ZNF717: variants seen among roughly 807,000 people sequenced by gnomAD.
ZNF717 encodes zinc finger protein 717.
Under a neutral mutation model 13.8 loss-of-function variants are expected in ZNF717, and 9 were observed. The ratio of observed to expected loss-of-function variants is 0.65; its 90% CI spans 0.39 to 1.14. ZNF717 has a LOEUF of 1.14. Among genes scored for constraint, ZNF717 ranks in the 50% most tolerant of loss-of-function variants. The pLI is 0.01. For synonymous variants in ZNF717, 327 were observed against 364.1 expected (o/e 0.90, Z 1.16); for missense variants, 1,040 against 1,080.7 (o/e 0.96, Z 0.53).
At chr3:75,719,109 C>T (rs1938120269) in intron 4 of ZNF717, among the ~76,000 whole-genome samples, 1 of 151,760 alleles carries the variant, frequency 6.6e-6, no homozygotes, top group Non-Finnish European at 1.5e-5. Flanking sequence ...ACCTGGGAAA[C>T]ATGGCAAAAC....
chr3:75,767,937 T>C (rs1371406617), intron 2 of ZNF717, among the ~76,000 whole-genome samples: 1 of 148,560 alleles, frequency 6.7e-6, no homozygotes, highest in Non-Finnish European at 1.5e-5. Context: ...CTATTGACCA[T>C]AAGAAAAAGG....
chr3:75,732,547 A>G (rs1371379231), downstream of ZNF717, among the ~76,000 whole-genome samples: 5 of 152,238 alleles, frequency 3.3e-5, no homozygotes, highest in African/African-American at 1.2e-4. Flanking sequence ...CTTATGAAAC[A>G]GGCCAAATGA....
intron 2 of ZNF717, among the ~76,000 whole-genome samples, chr3:75,768,218 A>G (rs1344347353): frequency 6.6e-6 from 1 of 152,136 alleles, no homozygotes; most frequent in Non-Finnish European, 1.5e-5. Flanking sequence ...CTGTTTTCAC[A>G]CCAGTCCCCT....
At chr3:75,698,520 G>C (rs79578146) in intron 6 of ZNF717, among the ~76,000 whole-genome samples, 2 of 145,714 alleles carry the variant, frequency 1.4e-5, no homozygotes, top group Non-Finnish European at 3.1e-5. Context: ...TCCAGGTGTA[G>C]GTCAAATTGA....
chr3:75,726,770 T>C (rs1287385592), downstream of ZNF717, among the ~76,000 whole-genome samples: 7 of 152,388 alleles, frequency 4.6e-5, no homozygotes, highest in Admixed American at 3.3e-4. Context: ...GTATGCACCT[T>C]TCATTTTCAA....
intron 2 of ZNF717, among the ~76,000 whole-genome samples, chr3:75,774,919 A>G (rs13096048): frequency 7.3e-5 from 11 of 150,640 alleles, no homozygotes; most frequent in Non-Finnish European, 1.6e-4. Context: ...GCACCTGGCC[A>G]GGATTTCTAA....
chr3:75,699,809 CA>C (rs143278717), intron 6 of ZNF717, among the ~76,000 whole-genome samples: 1 of 150,886 alleles, frequency 6.6e-6, no homozygotes, highest in African/African-American at 2.4e-5. Flanking sequence ...TTGCAGAATA[CA>C]AAATCAACAT....
intron 4 of ZNF717, among the ~76,000 whole-genome samples, chr3:75,720,256 C>G (rs79823949): frequency 6.7e-6 from 1 of 149,882 alleles, no homozygotes; most frequent in Non-Finnish European, 1.5e-5. Flanking sequence ...CAATGATGAA[C>G]AGGACAAAGA....
chr3:75,754,904 T>C (rs1942336999), intron 2 of ZNF717, among the ~76,000 whole-genome samples: 1 of 151,650 alleles, frequency 6.6e-6, no homozygotes, highest in Non-Finnish European at 1.5e-5. Context: ...TTTCAAACTA[T>C]ATGAAATAAA....
chr3:75,755,637 A>G (rs2107493380), intron 2 of ZNF717, among the ~76,000 whole-genome samples: 1 of 152,314 alleles, frequency 6.6e-6, no homozygotes, highest in African/African-American at 2.4e-5. Flanking sequence ...TTTGTGGGAC[A>G]GTGGGATAGT....
intron 4 of ZNF717, among the ~76,000 whole-genome samples, chr3:75,739,805 T>TGTC (rs1433701820): frequency 2.0e-5 from 3 of 152,374 alleles, no homozygotes; most frequent in Non-Finnish European, 4.4e-5. Context: ...GCCATTTTTC[T>TGTC]GTCTCCTAAG....
rs1939818107 is a variant in ZNF717, at chr3:75,738,458, G to A, written c.1165C>T (p.His389Tyr). 4 of 1,531,976 alleles carry A rather than the reference G, an allele frequency of 2.6e-6. No individual in the cohort carries two copies. Among genetic ancestry groups the A allele is most frequent in the Middle Eastern group, 1.7e-4 (1 of 5,938 alleles). 94.9% of individuals were successfully genotyped at this position (1,531,976 alleles called of 1,614,324 possible). A position where few individuals can be genotyped will look rare whatever the true frequency, so the allele number is the denominator to read the frequency against. The part of the protein sequence containing the change: ...KSLLTLHHRT[H>Y]SGEKPYQCSE... Reference sequence around the variant, plus strand: ...CACTGATAGGGCTTTTCCCCTGAGTGAGTTCTGTGATGTAAAGTGAGAAGT... The same window carrying A: ...CACTGATAGGGCTTTTCCCCTGAGTAAGTTCTGTGATGTAAAGTGAGAAGT... Residue 389 changes from histidine to tyrosine, a missense_variant, in exon 5 of 5, where the codon CAC becomes TAC. Around this residue, in one of 3 missense-constraint regions of ZNF717, gnomAD observed 873 missense variants for 832.8 expected, o/e 1.05. Transcript: ENST00000652011.
chr3:75,769,129 C>T (rs766124380), intron 2 of ZNF717, among the ~76,000 whole-genome samples: 13 of 152,150 alleles, frequency 8.5e-5, no homozygotes, highest in South Asian at 4.2e-4. Context: ...CCCCTTGAAT[C>T]GTGGCTGGTC....
intron 2 of ZNF717, among the ~76,000 whole-genome samples, chr3:75,778,637 C>T (rs559395051): frequency 6.6e-6 from 1 of 151,720 alleles, no homozygotes; most frequent in Non-Finnish European, 1.5e-5. Context: ...CTTGCTAAAA[C>T]CAGAACCCAA....
chr3:75,724,441 T>C (rs78409382), intron 4 of ZNF717, among the ~76,000 whole-genome samples: 274 of 149,416 alleles, frequency 1.8e-3, no homozygotes, highest in African/African-American at 6.0e-3. Context: ...TGGGGTTTCA[T>C]CATGTTCCTC....
rs1489004708 is a variant in ZNF717 at position 75,741,990 on chromosome 3, T to C, written c.58-254A>G. 1.0e-5 allele frequency: 5 copies of C among 491,240 alleles called. No individual in the cohort carries two copies. The Admixed American group carries it at 1.9e-4, about 19-fold the overall frequency. 30.4% of individuals were successfully genotyped at this position (491,240 alleles called of 1,614,324 possible). Reference sequence around the variant, plus strand: ...CTTATGTATTTTACATAAGATGTAGTTTGTTTTGCACTGTTTATGGTGGGA... The same window carrying C: ...CTTATGTATTTTACATAAGATGTAGCTTGTTTTGCACTGTTTATGGTGGGA... On this transcript the variant is annotated intron_variant, in intron 2 of 4. Coordinates refer to ENST00000652011, the MANE Select transcript of ZNF717 (RefSeq NM_001290208.3).
At chr3:75,749,919 G>A (rs1166587132) in intron 2 of ZNF717, among the ~76,000 whole-genome samples, 31 of 148,890 alleles carry the variant, frequency 2.1e-4, no homozygotes, top group Non-Finnish European at 3.7e-4. Context: ...GTTGGGTTCT[G>A]AGGGTTTGTC....
intron 2 of ZNF717, among the ~76,000 whole-genome samples, chr3:75,777,411 C>G (rs562031348): frequency 6.8e-6 from 1 of 146,168 alleles, no homozygotes; most frequent in Non-Finnish European, 1.5e-5. Context: ...GTGCTAAAAC[C>G]GGAACCCAAA....
At chr3:75,734,813 ATATATTTTTTTTTTTT>A (rs1396075192), downstream of ZNF717, among the ~76,000 whole-genome samples, 1 of 60,080 alleles carries the variant, frequency 1.7e-5, no homozygotes, top group Non-Finnish European at 2.8e-5. Context: ...ATATATATAT[ATATATTTTTTTTTTTT>A]TTTTTTTTTT....
Sources: gnomAD v4.1 joint callset for allele counts (sites outside exome capture counted in the v4.1 genomes callset) on GRCh38, gnomAD v4.1.1 for gene constraint, gnomAD v4.1.1 regional missense constraint, MANE v1.5 for transcripts, NCBI Gene and HGNC (gene_info 2026-07-23, HGNC 2026-07-21) for gene names.